Variants in KLF13 observed in about 807,000 individuals in gnomAD.
KLF13 encodes KLF transcription factor 13.
Under a neutral mutation model 16.7 loss-of-function variants are expected in KLF13, and 8 were observed. The ratio of observed to expected loss-of-function variants is 0.48; its 90% CI spans 0.28 to 0.87. KLF13 has a LOEUF of 0.87. Ranked by LOEUF, KLF13 falls within the 40% of genes least tolerant of loss-of-function variation. The probability of loss-of-function intolerance (pLI) is 0.10; values close to 1 mark genes in which losing one functional copy is unlikely to be tolerated. For synonymous variants in KLF13, 245 were observed against 208.4 expected, an observed-to-expected ratio of 1.18 and a Z score of -1.51; for missense variants, 447 against 452.2, an observed-to-expected ratio of 0.99 and a Z score of 0.10.
intron 2 of KLF13, among the ~76,000 whole-genome samples, chr15:31,398,334 A>T (rs2039984624): frequency 6.6e-6 from 1 of 152,166 alleles, no homozygotes; most frequent in Non-Finnish European, 1.5e-5. Context: ...ACACGGCAGC[A>T]CTGACGAGTT....
intron 2 of KLF13, among the ~76,000 whole-genome samples, chr15:31,394,061 G>A (rs1259647019): frequency 6.6e-6 from 1 of 152,210 alleles, no homozygotes; most frequent in Non-Finnish European, 1.5e-5. Flanking sequence ...TCTCCACAGA[G>A]AAGCGCTGTG....
At chr15:31,397,941 G>A (rs2039978192) in intron 2 of KLF13, among the ~76,000 whole-genome samples, 1 of 152,004 alleles carries the variant, frequency 6.6e-6, no homozygotes, top group African/African-American at 2.4e-5. Flanking sequence ...CTCAGCCTGA[G>A]GGCCTCTGGC....
At chr15:31,381,140 C>T (rs1414522751), downstream of KLF13, among the ~76,000 whole-genome samples, 1 of 138,622 alleles carries the variant, frequency 7.2e-6, no homozygotes, top group Non-Finnish European at 1.5e-5. Context: ...CCATTGCACT[C>T]CTGCCTGGGC....
intron 1 of KLF13, among the ~76,000 whole-genome samples, chr15:31,353,016 A>T (rs997823051): frequency 6.6e-6 from 1 of 152,044 alleles, no homozygotes; most frequent in Non-Finnish European, 1.5e-5. Flanking sequence ...GCCGCCTTGG[A>T]GTGTGCGGCT....
intron 1 of KLF13, among the ~76,000 whole-genome samples, chr15:31,359,259 G>A (rs534445360): frequency 3.9e-5 from 6 of 152,376 alleles, no homozygotes; most frequent in Non-Finnish European, 7.3e-5. Context: ...CTGGCCTTCT[G>A]TTGGCAGAAA....
At chr15:31,335,449 GTGTGTGTGTGTGTGTGTGTGTGTGTGTA>G (rs1249499827) in intron 1 of KLF13, among the ~76,000 whole-genome samples, 9 of 88,734 alleles carry the variant, frequency 1.0e-4, no homozygotes, top group Non-Finnish European at 2.3e-4. Context: ...GTGTGTGTGT[GTGTGTGTGTGTGTGTGTGTGTGTGTGTA>G]TGGTGGCGGG....
At chr15:31,424,491 G>C (rs947124722) in intron 1 of KLF13, among the ~76,000 whole-genome samples, 1 of 151,864 alleles carries the variant, frequency 6.6e-6, no homozygotes, top group African/African-American at 2.4e-5. Context: ...ATATATGTAA[G>C]TAAAAAAAGA....
intron 1 of KLF13, among the ~76,000 whole-genome samples, chr15:31,339,393 A>G (rs1270565175): frequency 6.6e-6 from 1 of 152,152 alleles, no homozygotes; most frequent in Non-Finnish European, 1.5e-5. Context: ...GACGGTGGCA[A>G]GGCCCTGGTG....
exon 2 of KLF13, chr15:31,435,451 G>A (rs76241746): frequency 0.042 from 6,434 of 152,136 alleles, 293 homozygotes; most frequent in African/African-American, 0.11. Context: ...ACGGTTTTCC[G>A]CCCCCTAGGG....
At chr15:31,370,209 A>G (rs2039537108) in intron 1 of KLF13, among the ~76,000 whole-genome samples, 2 of 151,380 alleles carry the variant, frequency 1.3e-5, no homozygotes, top group Admixed American at 1.3e-4. Flanking sequence ...CCTTTCCCCC[A>G]ACATGTAAAA....
intron 1 of KLF13, among the ~76,000 whole-genome samples, chr15:31,353,916 G>C (rs2039258355): frequency 6.6e-6 from 1 of 152,216 alleles, no homozygotes; most frequent in Non-Finnish European, 1.5e-5. Context: ...TGCTTCTGGG[G>C]AAAAAGTACA....
chr15:31,427,262 A>C (rs1418829206), intron 1 of KLF13, among the ~76,000 whole-genome samples: 1 of 152,214 alleles, frequency 6.6e-6, no homozygotes, highest in Non-Finnish European at 1.5e-5. Context: ...ACTAGTCATC[A>C]GAAAAATGCA....
In KLF13 at chr15:31,357,794, G is replaced by A. The variant is rs536176497; in HGVS notation, c.578-14216G>A. On this transcript the variant is annotated intron_variant, in intron 1 of 1. Coordinates refer to ENST00000307145, the MANE Select transcript of KLF13 (RefSeq NM_015995.4). ...CAGCTGCTTTATCTGATGTTCAGGTGCCCCCCACCAACTGCACCCCCACCC... is the reference window on the plus strand; with the variant it reads ...CAGCTGCTTTATCTGATGTTCAGGTACCCCCCACCAACTGCACCCCCACCC... Among the ~76,000 whole-genome samples, 71 of 152,252 alleles carry A rather than the reference G, an allele frequency of 4.7e-4. No individual in the cohort carries two copies. The South Asian group carries it at 0.014, about 31-fold the overall frequency.
In KLF13 at chr15:31,327,239, C is replaced by T. The variant is rs77996726; in HGVS notation, c.27C>T (p.His9=). The change falls in exon 1 of 2, where the codon CAC becomes CAT. Residue 9 remains histidine (H), a synonymous_variant. Coordinates refer to ENST00000307145, the MANE Select transcript of KLF13 (RefSeq NM_015995.4). MAAAAYVD[H]FAAECLVSMS... ...TGGCAGCCGCCGCCTATGTGGACCA[C>T]TTCGCCGCCGAGTGCCTCGTGTCCA... The T allele has an allele frequency of 5.7e-3, 7,876 of 1,377,540 alleles. 44 individuals carry two copies. Among genetic ancestry groups the T allele is most frequent in the Non-Finnish European group, 5.8e-3 (6,173 of 1,063,890 alleles). The allele number at this position is 1,377,540 out of a possible 1,614,324, so 85.3% of individuals were successfully genotyped here. A position where few individuals can be genotyped will look rare whatever the true frequency, so the allele number is the denominator to read the frequency against.
intron 1 of KLF13, among the ~76,000 whole-genome samples, chr15:31,361,522 G>A (rs879766850): frequency 6.6e-6 from 1 of 152,158 alleles, no homozygotes; most frequent in Non-Finnish European, 1.5e-5. Context: ...GCTTAGCAGG[G>A]TGGGGTCCCT....
chr15:31,420,467 T>C, intron 1 of KLF13: 1 of 771,990 alleles, frequency 1.3e-6, no homozygotes, highest in East Asian at 3.4e-5. Flanking sequence ...GGGTAACATA[T>C]GCCTGGATAT....
chr15:31,392,644 T>C (rs1205155040), upstream of KLF13, among the ~76,000 whole-genome samples: 1 of 152,082 alleles, frequency 6.6e-6, no homozygotes, highest in Non-Finnish European at 1.5e-5. Context: ...GCCCTAGAAA[T>C]AGCTCGGAGG....
At chr15:31,425,712 A>C (rs1243204262) in intron 1 of KLF13, among the ~76,000 whole-genome samples, 2 of 152,168 alleles carry the variant, frequency 1.3e-5, no homozygotes, top group Non-Finnish European at 2.9e-5. Context: ...CCCCGTCTCT[A>C]CTAAAAACAC....
chr15:31,329,626 G>A (rs2038791282), intron 1 of KLF13, among the ~76,000 whole-genome samples: 1 of 152,168 alleles, frequency 6.6e-6, no homozygotes, highest in Non-Finnish European at 1.5e-5. Flanking sequence ...ATTGGCGCAG[G>A]GGCTCTGGAG....
Sources: allele counts gnomAD v4.1 joint callset (sites outside exome capture counted in the v4.1 genomes callset), GRCh38; gene constraint gnomAD v4.1.1; transcripts MANE v1.5; gene names NCBI Gene and HGNC (gene_info 2026-07-23, HGNC 2026-07-21).